The following DACH1 variants were observed in gnomAD, a reference collection of about 807,000 sequenced individuals.
DACH1 encodes the protein dachshund family transcription factor 1.
In DACH1, 12 loss-of-function variants were observed where a neutral mutation model predicts 54.2. The observed-to-expected ratio is 0.22, with a 90% CI of 0.14 to 0.36. The LOEUF (loss-of-function observed/expected upper bound fraction) is 0.36. DACH1 is among the 10% of genes least tolerant of loss of function. The pLI is 1.00. For missense variants in DACH1, 805 were observed against 929.8 expected, an observed-to-expected ratio of 0.87 and a Z score of 1.75; for synonymous variants, 386 against 366.2, an observed-to-expected ratio of 1.05 and a Z score of -0.62.
intron 2 of DACH1, among the ~76,000 whole-genome samples, chr13:71,637,387 C>A (rs1474436132): frequency 6.6e-6 from 1 of 152,076 alleles, no homozygotes; most frequent in African/African-American, 2.4e-5. Flanking sequence ...TTTAGTTTTA[C>A]CTTTGTTCAA....
At chr13:71,605,313 G>A (rs866543914) in intron 3 of DACH1, among the ~76,000 whole-genome samples, 7 of 151,576 alleles carry the variant, frequency 4.6e-5, no homozygotes, top group African/African-American at 9.7e-5. Context: ...TAGCTTGAAC[G>A]ATACAACTAA....
chr13:71,668,083 G>T (rs1879963236), intron 2 of DACH1, among the ~76,000 whole-genome samples: 1 of 152,012 alleles, frequency 6.6e-6, no homozygotes, highest in Non-Finnish European at 1.5e-5. Context: ...TTAGAAAATA[G>T]ATGTTTTAAT....
At chr13:71,459,684 A>ATT (rs745797615) in intron 10 of DACH1, among the ~76,000 whole-genome samples, 2 of 151,908 alleles carry the variant, frequency 1.3e-5, no homozygotes, top group East Asian at 3.8e-4. Flanking sequence ...TTATATTTAT[A>ATT]TTTTTCACAT....
chr13:71,816,680 A>ATGTGTG (rs752343756), intron 1 of DACH1, among the ~76,000 whole-genome samples: 12 of 144,256 alleles, frequency 8.3e-5, no homozygotes, highest in Admixed American at 1.4e-4. Context: ...ATACACACAT[A>ATGTGTG]TATATATACA....
At chr13:71,829,841 T>A (rs527294827) in intron 1 of DACH1, among the ~76,000 whole-genome samples, 4 of 151,954 alleles carry the variant, frequency 2.6e-5, no homozygotes, top group Non-Finnish European at 5.9e-5. Flanking sequence ...TTTGCACTTA[T>A]GTACTTTCTA....
At chr13:71,792,734 C>T (rs915741348) in intron 1 of DACH1, among the ~76,000 whole-genome samples, 35 of 152,054 alleles carry the variant, frequency 2.3e-4, no homozygotes, top group Admixed American at 3.9e-4. Flanking sequence ...GGCCATCATT[C>T]GACTTTATCT....
chr13:71,784,822 C>A (rs899386008), intron 1 of DACH1, among the ~76,000 whole-genome samples: 1 of 152,132 alleles, frequency 6.6e-6, no homozygotes, highest in Non-Finnish European at 1.5e-5. Context: ...TAAAGAATTT[C>A]TATCATAATA....
chr13:71,640,833 G>A (rs766328483), intron 2 of DACH1, among the ~76,000 whole-genome samples: 3 of 152,016 alleles, frequency 2.0e-5, no homozygotes, highest in Non-Finnish European at 2.9e-5. Flanking sequence ...TATAATAAGT[G>A]AAAAGAGGAA....
chr13:71,756,069 C>T (rs762349703), intron 1 of DACH1, among the ~76,000 whole-genome samples: 5 of 151,836 alleles, frequency 3.3e-5, no homozygotes, highest in Non-Finnish European at 5.9e-5. Context: ...CTCACTCTGT[C>T]GCCCAGACAG....
At position 71,509,252 on chromosome 13, in the gene DACH1, AATCTT is replaced by A. The variant is rs202236039; in HGVS notation, c.1571-20109_1571-20105del. Among the ~76,000 whole-genome samples the A allele has an allele frequency of 7.9e-3, 1,206 of 152,254 alleles. 28 individuals carry two copies. The highest frequency in any genetic ancestry group is 0.042 in the Admixed American group (639 of 15,266). ...ATCTGATACAACCTCTGTCTCTACT[AATCTT>A]ATCAACTGAGTCCAATAATGAAATG... is the stretch of plus-strand genomic sequence containing the variant. On this transcript the variant is annotated intron_variant, in intron 6 of 10. Transcript: ENST00000613252.
At chr13:71,821,221 G>A (rs747191127) in intron 1 of DACH1, among the ~76,000 whole-genome samples, 4 of 152,052 alleles carry the variant, frequency 2.6e-5, no homozygotes, top group Non-Finnish European at 5.9e-5. Flanking sequence ...CCTTTTAACT[G>A]ACTTAGTGTT....
intron 6 of DACH1, among the ~76,000 whole-genome samples, chr13:71,533,145 T>A (rs988214124): frequency 6.6e-6 from 1 of 151,616 alleles, no homozygotes; most frequent in African/African-American, 2.4e-5. Flanking sequence ...TTTTAAAAAA[T>A]TATTAGGAAA....
At chr13:71,673,576 G>T (rs1465513751) in intron 2 of DACH1, among the ~76,000 whole-genome samples, 1 of 151,934 alleles carries the variant, frequency 6.6e-6, no homozygotes, top group Non-Finnish European at 1.5e-5. Flanking sequence ...TGGACACGGG[G>T]TGGGTGGGGG....
chr13:71,678,309 T>C (rs1458618841), intron 2 of DACH1, among the ~76,000 whole-genome samples: 1 of 152,188 alleles, frequency 6.6e-6, no homozygotes, highest in Non-Finnish European at 1.5e-5. Flanking sequence ...CAGTTAATGT[T>C]TTAAGACAGT....
chr13:71,864,761 A>G (rs2138302702), intron 1 of DACH1, among the ~76,000 whole-genome samples: 1 of 121,940 alleles, frequency 8.2e-6, no homozygotes, highest in Non-Finnish European at 1.7e-5. Flanking sequence ...CCCTCTTGGT[A>G]GATCCTCCCC....
chr13:71,866,509 G>A lies in DACH1; in HGVS notation c.261C>T (p.Gly87=). Residue 87 remains glycine (G), a synonymous_variant, in exon 1 of 11, where the codon GGC becomes GGT. Transcript: ENST00000613252. ...CACCGCCGCCTCCGTTGCCGCTGCT[G>A]CCGCCGCCGCCTCCGCTGCCGCCGC... ...GGGGGSGGGG[G]SSGNGGGGGG... is the part of the protein sequence containing the mutation. 8.2e-7 allele frequency: 1 copy of A among 1,212,904 alleles called. No homozygotes were observed. The highest frequency in any genetic ancestry group is 1.8e-5 in the African/African-American group (1 of 54,604). 75.1% of individuals were successfully genotyped at this position (1,212,904 alleles called of 1,614,324 possible).
intron 3 of DACH1, among the ~76,000 whole-genome samples, chr13:71,623,217 T>G (rs1383988698): frequency 2.6e-5 from 4 of 151,600 alleles, no homozygotes; most frequent in Non-Finnish European, 5.9e-5. Flanking sequence ...TTCCTTTACA[T>G]GAACAATAAA....
intron 6 of DACH1, among the ~76,000 whole-genome samples, chr13:71,496,246 C>CAA (rs553634943): frequency 5.3e-5 from 3 of 56,892 alleles, no homozygotes; most frequent in African/African-American, 7.2e-5. Context: ...TCCCAAAAAA[C>CAA]AAAAAAATTG....
chr13:71,545,448 C>A (rs764815967), intron 6 of DACH1, among the ~76,000 whole-genome samples: 1 of 151,400 alleles, frequency 6.6e-6, no homozygotes, highest in Admixed American at 6.6e-5. Context: ...TATTTTCATG[C>A]TTCATTAGTA....
Sources: allele counts gnomAD v4.1 joint callset (sites outside exome capture counted in the v4.1 genomes callset), GRCh38; gene constraint gnomAD v4.1.1; transcripts MANE v1.5; gene names NCBI Gene and HGNC (gene_info 2026-07-23, HGNC 2026-07-21).